CADPS2: variants seen among roughly 807,000 people sequenced by gnomAD.
The protein encoded by CADPS2 is calcium dependent secretion activator 2, also known as calcium-dependent secretion activator 2.
A neutral mutation model predicts 172.5 loss-of-function variants in CADPS2; 93 were observed. That is an observed-to-expected ratio of 0.54 (90% CI 0.46 to 0.64). CADPS2 has a LOEUF of 0.64. CADPS2 is among the 30% of genes least tolerant of loss of function. The pLI is 0.00. For synonymous variants in CADPS2, 546 were observed against 555.2 expected (o/e 0.98, Z 0.23); for missense variants, 1,420 against 1,565.9 (o/e 0.91, Z 1.57).
chr7:122,389,166 C>A (rs978194140), intron 22 of CADPS2, among the ~76,000 whole-genome samples: 1 of 151,810 alleles, frequency 6.6e-6, no homozygotes, highest in African/African-American at 2.4e-5. Flanking sequence ...CCTCTGTCAC[C>A]ATGGTGGTTT....
At chr7:122,549,177 G>A (rs944271387) in intron 8 of CADPS2, among the ~76,000 whole-genome samples, 1 of 152,060 alleles carries the variant, frequency 6.6e-6, no homozygotes, top group Non-Finnish European at 1.5e-5. Flanking sequence ...CAGGAGGATC[G>A]CTTGAGTGCA....
chr7:122,419,675 C>T (rs925052691), intron 17 of CADPS2, among the ~76,000 whole-genome samples: 9 of 152,114 alleles, frequency 5.9e-5, no homozygotes, highest in Admixed American at 4.6e-4. Context: ...TTCCTTCTGG[C>T]TGAGGCAATC....
chr7:122,628,669 C>G lies in CADPS2; in HGVS notation c.867+579G>C, dbSNP rs77073850. On this transcript the variant is annotated intron_variant, in intron 4 of 29. Coordinates refer to ENST00000449022, the MANE Select transcript of CADPS2 (RefSeq NM_017954.11). Reference sequence around the variant, plus strand: ...AAAACCTTAAGTACTAGAAAAAACTCATGCCTTTTGTCTGAAATTTATCTC... The same window carrying G: ...AAAACCTTAAGTACTAGAAAAAACTGATGCCTTTTGTCTGAAATTTATCTC... Among the ~76,000 whole-genome samples, 771 of 151,016 alleles carry G rather than the reference C, an allele frequency of 5.1e-3. 3 individuals are homozygous for G. Among genetic ancestry groups the G allele is most frequent in the Non-Finnish European group, 9.0e-3 (613 of 67,748 alleles).
intron 17 of CADPS2, among the ~76,000 whole-genome samples, chr7:122,425,425 C>CAA (rs71159797): frequency 4.0e-4 from 29 of 72,658 alleles, no homozygotes; most frequent in East Asian, 8.0e-4. Context: ...CTATCTCTAC[C>CAA]AAAAAAAAAA....
chr7:122,598,436 T>G (rs1211156719), intron 6 of CADPS2, among the ~76,000 whole-genome samples: 1 of 152,130 alleles, frequency 6.6e-6, no homozygotes, highest in Non-Finnish European at 1.5e-5. Flanking sequence ...TTTTTGTTGC[T>G]GCTAAAATAT....
chr7:122,884,799 T>C (rs1293195917), intron 1 of CADPS2, among the ~76,000 whole-genome samples: 1 of 152,208 alleles, frequency 6.6e-6, no homozygotes, highest in Non-Finnish European at 1.5e-5. Context: ...TGGAGTGGTA[T>C]GCACAGCTTT....
intron 4 of CADPS2, among the ~76,000 whole-genome samples, chr7:122,628,370 G>A (rs1393241677): frequency 6.6e-6 from 1 of 151,952 alleles, no homozygotes; most frequent in Non-Finnish European, 1.5e-5. Context: ...GGCTACACAG[G>A]ATGTATGCGT....
chr7:122,449,208 T>C (rs2052714797), intron 15 of CADPS2, among the ~76,000 whole-genome samples: 2 of 152,210 alleles, frequency 1.3e-5, no homozygotes, highest in Admixed American at 1.3e-4. Flanking sequence ...TCTAAAATGA[T>C]GGCTGGGTCT....
At chr7:122,480,193 G>GA in intron 12 of CADPS2, 3 of 451,378 alleles carry the variant, frequency 6.6e-6, no homozygotes, top group African/African-American at 2.0e-5. Context: ...GAGAGTCAAA[G>GA]AAAAAAAGAA....
intron 2 of CADPS2, among the ~76,000 whole-genome samples, chr7:122,713,721 C>A (rs1355826858): frequency 1.3e-5 from 2 of 151,944 alleles, no homozygotes; most frequent in Non-Finnish European, 2.9e-5. Flanking sequence ...CCTAGTAACA[C>A]CTCCAGCTAA....
At chr7:122,782,442 T>TACA (rs968080945) in intron 1 of CADPS2, among the ~76,000 whole-genome samples, 2 of 152,156 alleles carry the variant, frequency 1.3e-5, no homozygotes, top group African/African-American at 2.4e-5. Context: ...ACCCCATCTC[T>TACA]ACAACAACAA....
intron 1 of CADPS2, among the ~76,000 whole-genome samples, chr7:122,761,896 G>A (rs1410986363): frequency 6.7e-6 from 1 of 149,324 alleles, no homozygotes; most frequent in East Asian, 2.0e-4. Context: ...TACTACGGAA[G>A]CTTGGGTACA....
chr7:122,371,912 T>G (rs2041815852), intron 25 of CADPS2, among the ~76,000 whole-genome samples: 1 of 152,062 alleles, frequency 6.6e-6, no homozygotes, highest in African/African-American at 2.4e-5. Context: ...ATATGGGTAT[T>G]TTTAGACTCT....
intron 1 of CADPS2, among the ~76,000 whole-genome samples, chr7:122,859,193 T>C (rs1319658261): frequency 6.6e-6 from 1 of 152,222 alleles, no homozygotes; most frequent in Non-Finnish European, 1.5e-5. Context: ...TAATTGAAAG[T>C]TTATATTATG....
intron 3 of CADPS2, among the ~76,000 whole-genome samples, chr7:122,642,548 CTTTT>C (rs10717947): frequency 0.017 from 2,459 of 146,098 alleles, 42 homozygotes; most frequent in African/African-American, 0.045. Flanking sequence ...CACCCAACAG[CTTTT>C]TTTTTTTTTT....
intron 25 of CADPS2, chr7:122,366,786 G>A (rs1031337589): frequency 1.1e-4 from 16 of 149,514 alleles, no homozygotes; most frequent in South Asian, 2.1e-4. Flanking sequence ...ATCCAGCTGC[G>A]AAACTACTTA....
chr7:122,327,821 GAAA>G (rs2034173410), intron 28 of CADPS2, among the ~76,000 whole-genome samples: 1 of 151,702 alleles, frequency 6.6e-6, no homozygotes, highest in East Asian at 1.9e-4. Flanking sequence ...TGCAAAAACA[GAAA>G]AAGAGAACTA....
At chr7:122,877,901 G>A (rs1235298321) in intron 1 of CADPS2, among the ~76,000 whole-genome samples, 1 of 152,130 alleles carries the variant, frequency 6.6e-6, no homozygotes, top group Non-Finnish European at 1.5e-5. Flanking sequence ...CCAGAAAGAC[G>A]AAGTGCCTTG....
chr7:122,845,882 T>C (rs1297592649), intron 1 of CADPS2, among the ~76,000 whole-genome samples: 1 of 152,134 alleles, frequency 6.6e-6, no homozygotes, highest in East Asian at 1.9e-4. Flanking sequence ...GGTCAAAAAG[T>C]ACTAAAAGGG....
Sources: allele counts gnomAD v4.1 joint callset (sites outside exome capture counted in the v4.1 genomes callset), GRCh38; gene constraint gnomAD v4.1.1; transcripts MANE v1.5; gene names NCBI Gene and HGNC (gene_info 2026-07-23, HGNC 2026-07-21).